Variants in DPP6 observed in about 807,000 individuals in gnomAD.
The protein encoded by DPP6 is dipeptidyl peptidase like 6.
Under a neutral mutation model 122.6 loss-of-function variants are expected in DPP6, and 69 were observed. That is an observed-to-expected ratio of 0.56 (90% CI 0.46 to 0.69). DPP6 has a LOEUF of 0.69. Ranked by LOEUF, DPP6 falls within the 30% of genes least tolerant of loss-of-function variation. DPP6 has a pLI of 0.00. For missense variants in DPP6, 928 were observed against 1,116.9 expected, an observed-to-expected ratio of 0.83 and a Z score of 2.41; for synonymous variants, 418 against 433.1, an observed-to-expected ratio of 0.97 and a Z score of 0.43.
At chr7:154,041,198 A>G (rs575598002) in intron 1 of DPP6, among the ~76,000 whole-genome samples, 109 of 152,274 alleles carry the variant, frequency 7.2e-4, no homozygotes, top group African/African-American at 1.7e-3. Flanking sequence ...CACATATTTA[A>G]GAGGCCTTCG....
In DPP6 at chr7:154,262,607, C is replaced by T. The variant is rs79864128; in HGVS notation, c.244-183607C>T. On this transcript the variant is annotated intron_variant, in intron 1 of 25. Transcript: ENST00000377770. ...CCACTAAGTTTGTGGAAAGAGAGAA[C>T]TCAAGGGGGCTTTATTTTAAATATG... Among the ~76,000 whole-genome samples the T allele has an allele frequency of 2.4e-5, 3 of 123,926 alleles. No homozygotes were observed. In the East Asian group the frequency reaches 6.8e-4, roughly 28 times the overall value. 81.3% of individuals were successfully genotyped at this position (123,926 alleles called of 152,430 possible).
At chr7:154,369,689 T>C (rs6979106) in intron 1 of DPP6, among the ~76,000 whole-genome samples, 35,987 of 152,176 alleles carry the variant, frequency 0.24, 8,458 homozygotes, top group African/African-American at 0.61. Context: ...GATCAACCCT[T>C]AACAGAATGT....
In DPP6 at chr7:154,059,423, G is replaced by A. The variant is rs537565957; in HGVS notation, c.243+6360G>A. The A allele has an allele frequency of 1.7e-3, 254 of 151,064 alleles. 1 individual carries two copies. Among genetic ancestry groups the A allele is most frequent in the Non-Finnish European group, 9.3e-4 (63 of 67,968 alleles). The allele number at this position is 151,064 out of a possible 1,614,324, so 9.4% of individuals were successfully genotyped here. A position where few individuals can be genotyped will look rare whatever the true frequency, so the allele number is the denominator to read the frequency against. On this transcript the variant is annotated intron_variant, in intron 1 of 25. Coordinates refer to ENST00000377770, the MANE Select transcript of DPP6 (RefSeq NM_130797.4). ...AAGTAGAAAGATCAAATCTTCCGAC[G>A]GCAGGTACCTTACATGGGATTTACG...
Position 154,486,308 on chromosome 7 carries a change from A to G in DPP6, c.457+11271A>G, listed in dbSNP as rs750101779. Among the ~76,000 whole-genome samples the G allele has an allele frequency of 6.6e-6, 1 of 151,842 alleles. No homozygotes were observed. Among genetic ancestry groups the G allele is most frequent in the Non-Finnish European group, 1.5e-5 (1 of 67,978 alleles). On this transcript the variant is annotated intron_variant, in intron 3 of 25. Transcript: ENST00000377770. This position sits in a 1 kb window ranked among gnomAD's most constrained non-coding sequence, Gnocchi z 4.5. The stretch of plus-strand genomic sequence containing the variant: ...GCCACCACGCCCAGCTAATTTTTGT[A>G]TTTTTAGAAGAGACAGGGTTGCACC...
chr7:154,702,122 A>G (rs1201790464), intron 7 of DPP6, among the ~76,000 whole-genome samples: 2 of 152,162 alleles, frequency 1.3e-5, no homozygotes, highest in African/African-American at 2.4e-5. Flanking sequence ...TACTGATGTA[A>G]TTGTTTTGGG....
chr7:154,810,453 G>A (rs1798979370), intron 16 of DPP6, among the ~76,000 whole-genome samples: 1 of 152,200 alleles, frequency 6.6e-6, no homozygotes, highest in Admixed American at 6.5e-5. Flanking sequence ...AGTTTAGAGA[G>A]CACTATAGGG....
intron 7 of DPP6, among the ~76,000 whole-genome samples, chr7:154,704,093 A>G (rs1456339473): frequency 6.6e-6 from 1 of 152,240 alleles, no homozygotes; most frequent in Non-Finnish European, 1.5e-5. Context: ...GAGGAGGCCA[A>G]AATATCAACA....
intron 1 of DPP6, among the ~76,000 whole-genome samples, chr7:154,163,244 T>G (rs1797068741): frequency 6.6e-6 from 1 of 152,010 alleles, no homozygotes; most frequent in African/African-American, 2.4e-5. Context: ...CATCCAGAAT[T>G]TATGCGTTGC....
chr7:153,996,238 G>A (rs534460830), intron 1 of DPP6, among the ~76,000 whole-genome samples: 12 of 152,286 alleles, frequency 7.9e-5, no homozygotes, highest in East Asian at 5.8e-4. Context: ...TTTATTTCAC[G>A]TAGTATTGGC....
chr7:154,876,346 G>T, intron 20 of DPP6: 2 of 641,938 alleles, frequency 3.1e-6, no homozygotes, highest in Non-Finnish European at 4.4e-6. Flanking sequence ...TAAAACAAGG[G>T]GATAGAAATT....
At chr7:154,780,202 C>T (rs1184043318) in intron 10 of DPP6, among the ~76,000 whole-genome samples, 1 of 152,136 alleles carries the variant, frequency 6.6e-6, no homozygotes, top group Non-Finnish European at 1.5e-5. Context: ...AAGCTCCAGA[C>T]TAGAGAAATG....
chr7:154,017,933 T>G (rs112244133), intron 1 of DPP6, among the ~76,000 whole-genome samples: 6 of 152,148 alleles, frequency 3.9e-5, no homozygotes, highest in South Asian at 4.1e-4. Context: ...ATCACATAAA[T>G]GTTATGTTTA....
the DPP6 span, among the ~76,000 whole-genome samples, chr7:153,783,578 T>G: frequency 1.8e-4 from 28 of 152,190 alleles, no homozygotes; most frequent in African/African-American, 6.3e-4. Context: ...TTCTTTTCTT[T>G]GGGCATGTCA....
intron 1 of DPP6, among the ~76,000 whole-genome samples, chr7:154,317,955 C>A (rs1046116567): frequency 6.6e-6 from 1 of 152,146 alleles, no homozygotes; most frequent in South Asian, 2.1e-4. Flanking sequence ...ATATTCTCAA[C>A]AAATGCATGC....
Position 154,300,134 on chromosome 7 carries a change from A to G in DPP6, c.244-146080A>G, listed in dbSNP as rs76222554. Among the ~76,000 whole-genome samples, 1,379 of 152,296 alleles carry G rather than the reference A, an allele frequency of 9.1e-3. 21 individuals carry two copies. Among genetic ancestry groups the G allele is most frequent in the East Asian group, 0.046 (236 of 5,170 alleles). On this transcript the variant is annotated intron_variant, in intron 1 of 25. Coordinates refer to ENST00000377770, the MANE Select transcript of DPP6 (RefSeq NM_130797.4). Reference sequence around the variant, plus strand: ...GGGCAAAAGTGCCCGTGGGAGTGGGAGGTAAATAGCATGGCAAGACAAGCG... The same window carrying G: ...GGGCAAAAGTGCCCGTGGGAGTGGGGGGTAAATAGCATGGCAAGACAAGCG...
intron 1 of DPP6, among the ~76,000 whole-genome samples, chr7:154,309,635 A>G (rs1421584918): frequency 6.6e-6 from 1 of 152,224 alleles, no homozygotes; most frequent in Non-Finnish European, 1.5e-5. Context: ...AACTTTGACC[A>G]TAATGAGAGT....
At chr7:154,036,061 C>T (rs538253284) in intron 1 of DPP6, among the ~76,000 whole-genome samples, 1 of 151,612 alleles carries the variant, frequency 6.6e-6, no homozygotes, top group East Asian at 1.9e-4. Context: ...TGAAAATAAA[C>T]AATATGATTA....
intron 1 of DPP6, among the ~76,000 whole-genome samples, chr7:154,432,775 C>CA (rs1436140659): frequency 6.6e-6 from 1 of 152,130 alleles, no homozygotes; most frequent in African/African-American, 2.4e-5. Context: ...AAGTGGGCAT[C>CA]ACAGGTCATG....
At chr7:154,879,335 C>T (rs1385782058) in intron 20 of DPP6, among the ~76,000 whole-genome samples, 1 of 136,890 alleles carries the variant, frequency 7.3e-6, no homozygotes, top group African/African-American at 2.9e-5. Context: ...AATCCCAGCA[C>T]TTTGGGAGGC....
Sources: gnomAD v4.1 joint callset for allele counts (sites outside exome capture counted in the v4.1 genomes callset) on GRCh38, gnomAD v4.1.1 for gene constraint, Gnocchi (gnomAD v3.1) non-coding constraint, MANE v1.5 for transcripts, NCBI Gene and HGNC (gene_info 2026-07-23, HGNC 2026-07-21) for gene names.